KRT72: variants seen among roughly 807,000 people sequenced by gnomAD.
KRT72 encodes keratin, type II cytoskeletal 72.
Under a neutral mutation model 44.7 loss-of-function variants are expected in KRT72, and 44 were observed. The observed-to-expected ratio is 0.98, with a 90% CI of 0.77 to 1.27. The LOEUF is 1.27. Ranked by LOEUF, KRT72 falls within the 50% of genes most tolerant of loss-of-function variation. KRT72 has a pLI of 0.00. For missense variants in KRT72, 736 were observed against 667.1 expected, an observed-to-expected ratio of 1.10 and a Z score of -1.14; for synonymous variants, 302 against 280.4, an observed-to-expected ratio of 1.08 and a Z score of -0.77.
chr12:52,588,803 C>G (rs1939883472), intron 6 of KRT72, among the ~76,000 whole-genome samples: 1 of 66,290 alleles, frequency 1.5e-5, no homozygotes, highest in African/African-American at 4.2e-5. Flanking sequence ...TCAAGACCAG[C>G]TGGCCAACAT....
At chr12:52,597,922 C>A (rs1940274843) in intron 2 of KRT72, among the ~76,000 whole-genome samples, 1 of 152,178 alleles carries the variant, frequency 6.6e-6, no homozygotes, top group Admixed American at 6.5e-5. Context: ...AAAGCCACTC[C>A]AGTCTGAAAG....
chr12:52,600,664 T>G (rs1024366940), intron 1 of KRT72, among the ~76,000 whole-genome samples: 6 of 152,176 alleles, frequency 3.9e-5, no homozygotes, highest in Non-Finnish European at 8.8e-5. Context: ...AGACGTGACT[T>G]TGGCCTCCCG....
rs1477882804 is a variant in KRT72, at chr12:52,587,819, A to G, written c.1122T>C (p.Ala374=). Residue 374 remains alanine (A), a synonymous_variant, in exon 7 of 9, where the codon GCT becomes GCC. Transcript: ENST00000293745. ...TCAGGGCGCAGTCCCCCCGCTGTTC[A>G]GCGTCGGCGATGGCCGTCTCCAGAT... The part of the protein sequence containing the change: ...CADLETAIAD[A]EQRGDCALKD... 1 of 1,614,168 alleles carries G rather than the reference A, an allele frequency of 6.2e-7. No individual in the cohort carries two copies. Among genetic ancestry groups the G allele is most frequent in the South Asian group, 1.1e-5 (1 of 91,072 alleles).
chr12:52,594,081 A>C (rs1940151731), intron 2 of KRT72, among the ~76,000 whole-genome samples: 2 of 152,198 alleles, frequency 1.3e-5, no homozygotes, highest in African/African-American at 4.8e-5. Flanking sequence ...AAAAAGAATT[A>C]AGGCTAGATA....
intron 1 of KRT72, among the ~76,000 whole-genome samples, chr12:52,600,161 C>G (rs1940369450): frequency 6.6e-6 from 1 of 152,124 alleles, no homozygotes; most frequent in Non-Finnish European, 1.5e-5. Context: ...GCACTCTTTC[C>G]AAGTGCCTCC....
upstream of KRT72, among the ~76,000 whole-genome samples, chr12:52,601,995 GA>G (rs1940484832): frequency 6.6e-6 from 1 of 152,244 alleles, no homozygotes; most frequent in South Asian, 2.1e-4. Flanking sequence ...CCTTGTGCAA[GA>G]AGGAAGTTCA....
intron 6 of KRT72, among the ~76,000 whole-genome samples, chr12:52,588,289 T>C (rs1939859210): frequency 6.6e-6 from 1 of 152,258 alleles, no homozygotes; most frequent in South Asian, 2.1e-4. Flanking sequence ...ATAAAGTTCC[T>C]ATTAATAAAT....
intron 3 of KRT72, 57 bp from the exon 4 acceptor site, chr12:52,592,548 C>T (rs779334061): frequency 4.7e-6 from 6 of 1,285,676 alleles, no homozygotes; most frequent in Admixed American, 3.6e-5. Context: ...CCATCCCTCC[C>T]TCCCTGCCAC....
Position 52,592,930 on chromosome 12 carries a change from GTC to G in KRT72, c.662_663del (p.Arg221ThrfsTer5). 6.2e-7 allele frequency: 1 copy of G among 1,613,538 alleles called. No homozygotes were observed. Among genetic ancestry groups the G allele is most frequent in the Non-Finnish European group, 8.5e-7 (1 of 1,179,838 alleles). On this transcript the variant is annotated frameshift_variant, in exon 3 of 9. Transcript: ENST00000293745. LOFTEE classifies it high-confidence loss of function. The stretch of plus-strand genomic sequence containing the variant: ...ACAAACTCATTCTCAGCAGCTGTGC[GTC>G]TGTTAATCTCCACCTCATACCTGCA... ...YKKRYEVEIN[R>X]RTAAENEFVV...
chr12:52,590,596 C>T (rs1048018600), intron 6 of KRT72, among the ~76,000 whole-genome samples: 3 of 152,142 alleles, frequency 2.0e-5, no homozygotes, highest in African/African-American at 7.2e-5. Flanking sequence ...CTGGTGTAAT[C>T]CTACCTCCTG....
intron 3 of KRT72, 53 bp from the exon 4 acceptor site, chr12:52,592,544 C>T (rs979537176): frequency 4.0e-5 from 53 of 1,327,842 alleles, no homozygotes; most frequent in African/African-American, 5.8e-5. Flanking sequence ...CTGCCCATCC[C>T]TCCCTCCCTG....
At chr12:52,597,882 C>T (rs1940273956) in intron 2 of KRT72, among the ~76,000 whole-genome samples, 3 of 152,178 alleles carry the variant, frequency 2.0e-5, no homozygotes, top group Admixed American at 2.0e-4. Flanking sequence ...TCTGTGGTTG[C>T]TCAACTAGTT....
intron 7 of KRT72, 101 bp from the exon 8 acceptor site, chr12:52,587,081 T>C: frequency 1.9e-6 from 2 of 1,080,666 alleles, no homozygotes; most frequent in East Asian, 2.4e-5. Flanking sequence ...AGAATGTGCC[T>C]TCCCAAACCC....
chr12:52,591,684 C>T lies in KRT72; in HGVS notation c.799-56G>A, dbSNP rs2120749238. Reference sequence around the variant, plus strand: ...AAGGGGTACTCATGAGGAACCAGTTCTCTTGGTCCTCCCTGGGCAAATTCC... The same window carrying T: ...AAGGGGTACTCATGAGGAACCAGTTTTCTTGGTCCTCCCTGGGCAAATTCC... On this transcript the variant is annotated intron_variant, in intron 4 of 8. Coordinates refer to ENST00000293745, the MANE Select transcript of KRT72 (RefSeq NM_080747.3). 6 of 1,516,412 alleles carry T rather than the reference C, an allele frequency of 4.0e-6. No homozygotes were observed. In the East Asian group the frequency reaches 1.4e-4, roughly 35 times the overall value. 93.9% of individuals were successfully genotyped at this position (1,516,412 alleles called of 1,614,324 possible).
At chr12:52,593,274 A>G (rs2120767313) in intron 2 of KRT72, among the ~76,000 whole-genome samples, 1 of 152,096 alleles carries the variant, frequency 6.6e-6, no homozygotes, top group East Asian at 1.9e-4. Context: ...GTGAAAAGAC[A>G]CTCCCTTCTG....
chr12:52,591,961 A>C (rs1940050519), intron 4 of KRT72, among the ~76,000 whole-genome samples: 1 of 152,162 alleles, frequency 6.6e-6, no homozygotes, highest in Admixed American at 6.5e-5. Flanking sequence ...CACTAGCACC[A>C]GTCCCTTCCC....
In KRT72 at chr12:52,601,085, G is replaced by A. The variant is rs2120822547; in HGVS notation, c.368C>T (p.Ala123Val). The change falls in exon 1 of 9, where the codon GCC becomes GTC. Residue 123 changes from alanine (A) to valine (V), a missense_variant. Physicochemically the swap from Ala to Val is moderately conservative, Grantham distance 64 (BLOSUM62 0). Transcript: ENST00000293745. Reference protein sequence around the residue: ...EMDPEIQRVRAQEREQIKALN... With the variant: ...EMDPEIQRVRVQEREQIKALN... ...CGCCTTGATCTGCTCCCGCTCCTGG[G>A]CGCGCACCCTCTGGATCTCGGGGTC... 2 of 1,612,424 alleles carry A rather than the reference G, an allele frequency of 1.2e-6. No individual in the cohort carries two copies. Among genetic ancestry groups the A allele is most frequent in the East Asian group, 2.2e-5 (1 of 44,750 alleles).
chr12:52,600,028 G>C (rs1332262136), intron 1 of KRT72, among the ~76,000 whole-genome samples: 1 of 152,162 alleles, frequency 6.6e-6, no homozygotes, highest in East Asian at 1.9e-4. Context: ...GGAGACAAGA[G>C]AAGTCCATTC....
At chr12:52,591,391 C>T (rs908326391) in intron 5 of KRT72, 73 bp downstream of exon 5, 55 of 1,478,126 alleles carry the variant, frequency 3.7e-5, no homozygotes, top group African/African-American at 1.4e-4. Context: ...CGCACACACA[C>T]GTACACATGC....
Sources: gnomAD v4.1 joint callset for allele counts (sites outside exome capture counted in the v4.1 genomes callset) on GRCh38, gnomAD v4.1.1 for gene constraint, MANE v1.5 for transcripts, NCBI Gene and HGNC (gene_info 2026-07-23, HGNC 2026-07-21) for gene names.